Variants in LRRTM4 observed in about 807,000 individuals in gnomAD.
The protein encoded by LRRTM4 is leucine-rich repeat transmembrane neuronal protein 4.
LRRTM4 carries 25 observed loss-of-function variants against 47.6 expected under a neutral mutation model. That is an observed-to-expected ratio of 0.53 (90% CI 0.38 to 0.73). The LOEUF (loss-of-function observed/expected upper bound fraction) is 0.73. LRRTM4 is among the 30% of genes least tolerant of loss of function. The pLI, the probability that LRRTM4 is intolerant of heterozygous loss-of-function variation, is 0.00. For missense variants in LRRTM4, 638 were observed against 713.4 expected, an observed-to-expected ratio of 0.89 and a Z score of 1.20; for synonymous variants, 311 against 269.5, an observed-to-expected ratio of 1.15 and a Z score of -1.51.
rs1291671886 is a variant in LRRTM4, at chr2:77,055,096, G to A, written c.1552-306180C>T. ...AACAGTGCCAGCAGAAGAGGATACT[G>A]ACTCCGCTACTTAGAGTTACCACAA... On this transcript the variant is annotated intron_variant, in intron 3 of 3. Coordinates refer to ENST00000409884, the MANE Select transcript of LRRTM4 (RefSeq NM_001134745.3). 6.6e-5 allele frequency among the ~76,000 whole-genome samples: 10 copies of A among 152,220 alleles called. No individual in the cohort carries two copies. In the East Asian group the frequency reaches 1.9e-3, roughly 29 times the overall value.
chr2:76,869,278 C>A (rs1672556134), intron 3 of LRRTM4, among the ~76,000 whole-genome samples: 1 of 151,802 alleles, frequency 6.6e-6, no homozygotes, highest in Admixed American at 6.6e-5. Flanking sequence ...CACTGCACTC[C>A]AGCCTGGCGA....
intron 3 of LRRTM4, among the ~76,000 whole-genome samples, chr2:76,833,597 AATAAT>A (rs1478198069): frequency 8.6e-5 from 13 of 151,020 alleles, no homozygotes; most frequent in African/African-American, 3.2e-4. Flanking sequence ...ATTACCAGTA[AATAAT>A]ATAATAATAT....
intron 3 of LRRTM4, among the ~76,000 whole-genome samples, chr2:77,236,436 A>C (rs1363757425): frequency 1.3e-5 from 2 of 151,930 alleles, no homozygotes; most frequent in African/African-American, 2.4e-5. Context: ...AGGGTTTTCT[A>C]GGTACAGAAT....
chr2:76,948,439 C>T (rs1039662510), intron 3 of LRRTM4, among the ~76,000 whole-genome samples: 1 of 151,700 alleles, frequency 6.6e-6, no homozygotes, highest in Non-Finnish European at 1.5e-5. Context: ...ATGTAATAGT[C>T]TTACACTATT....
intron 3 of LRRTM4, among the ~76,000 whole-genome samples, chr2:77,213,439 C>T (rs971355278): frequency 6.6e-6 from 1 of 151,972 alleles, no homozygotes; most frequent in Non-Finnish European, 1.5e-5. Flanking sequence ...TAATAATAAC[C>T]CCTCATAGAA....
chr2:77,427,639 T>C lies in LRRTM4; in HGVS notation c.1551+90679A>G, dbSNP rs528357807. On this transcript the variant is annotated intron_variant, in intron 3 of 3. Coordinates refer to ENST00000409884, the MANE Select transcript of LRRTM4 (RefSeq NM_001134745.3). ...CAGTTATATAGTTGAGTTGTTGATT[T>C]AACATGTATTTTCACCTTAAAATAT... 2.4e-4 allele frequency among the ~76,000 whole-genome samples: 37 copies of C among 152,332 alleles called. No individual in the cohort carries two copies. The South Asian group carries it at 7.7e-3, about 32-fold the overall frequency.
At chr2:76,958,511 T>C (rs1217279688) in intron 3 of LRRTM4, among the ~76,000 whole-genome samples, 4 of 151,782 alleles carry the variant, frequency 2.6e-5, no homozygotes, top group Admixed American at 2.0e-4. Context: ...GGTTTCATAG[T>C]TGTTAAAATA....
At chr2:77,141,128 A>G (rs546562820) in intron 3 of LRRTM4, among the ~76,000 whole-genome samples, 1 of 152,316 alleles carries the variant, frequency 6.6e-6, no homozygotes. Flanking sequence ...CTGGGTATAT[A>G]CCCAAAGGAT....
intron 3 of LRRTM4, among the ~76,000 whole-genome samples, chr2:76,830,717 A>G (rs1183428883): frequency 6.6e-6 from 1 of 152,050 alleles, no homozygotes; most frequent in Non-Finnish European, 1.5e-5. Context: ...CAATAATGTT[A>G]TAAATTAACA....
chr2:76,824,942 A>G (rs763598970), intron 3 of LRRTM4, among the ~76,000 whole-genome samples: 2 of 151,646 alleles, frequency 1.3e-5, no homozygotes, highest in Non-Finnish European at 3.0e-5. Flanking sequence ...TGACACTTCA[A>G]ATGTACCAAA....
At position 77,012,165 on chromosome 2, in the gene LRRTM4, G is replaced by C. The variant is rs187733973; in HGVS notation, c.1552-263249C>G. Among the ~76,000 whole-genome samples the C allele has an allele frequency of 7.0e-4, 106 of 152,178 alleles. 2 individuals are homozygous for C. Among genetic ancestry groups the C allele is most frequent in the Non-Finnish European group, 1.8e-4 (12 of 68,012 alleles). ...AATGTAGTTTAATTTTAATTAAATT[G>C]AGAGAATATAAATGCACCATAGGCA... On this transcript the variant is annotated intron_variant, in intron 3 of 3. Transcript: ENST00000409884.
chr2:76,853,060 T>A (rs1225405970), intron 3 of LRRTM4, among the ~76,000 whole-genome samples: 1 of 152,176 alleles, frequency 6.6e-6, no homozygotes, highest in Non-Finnish European at 1.5e-5. Flanking sequence ...TATAACTTGG[T>A]ACCTGTCAAA....
intron 3 of LRRTM4, among the ~76,000 whole-genome samples, chr2:76,892,618 G>A (rs759248228): frequency 5.3e-5 from 8 of 151,576 alleles, no homozygotes; most frequent in Non-Finnish European, 1.0e-4. Context: ...AGGAACCATA[G>A]AATGAATGTT....
intron 3 of LRRTM4, chr2:77,516,667 T>A: frequency 1.0e-6 from 1 of 979,598 alleles, no homozygotes; most frequent in Non-Finnish European, 1.2e-6. Flanking sequence ...GTTAGACTTT[T>A]ATAGAAAATC....
At chr2:77,515,359 G>C (rs1395181209) in intron 3 of LRRTM4, among the ~76,000 whole-genome samples, 1 of 151,728 alleles carries the variant, frequency 6.6e-6, no homozygotes, top group Non-Finnish European at 1.5e-5. Flanking sequence ...TTGTGTGGAG[G>C]CTCACAAACG....
chr2:76,788,730 T>C (rs554079260), intron 3 of LRRTM4, among the ~76,000 whole-genome samples: 11 of 152,282 alleles, frequency 7.2e-5, no homozygotes, highest in Admixed American at 3.9e-4. Context: ...ATTCTATCAA[T>C]GTGATTTCAG....
chr2:76,979,213 T>C (rs929755696), intron 3 of LRRTM4, among the ~76,000 whole-genome samples: 2 of 151,988 alleles, frequency 1.3e-5, no homozygotes, highest in Admixed American at 6.6e-5. Flanking sequence ...GCTTCAAGGG[T>C]AATTTCAGGT....
chr2:76,845,739 G>A (rs1292361142), intron 3 of LRRTM4, among the ~76,000 whole-genome samples: 2 of 152,144 alleles, frequency 1.3e-5, no homozygotes, highest in South Asian at 2.1e-4. Flanking sequence ...TGTGTCTCCA[G>A]TGTGACAGTG....
chr2:76,925,230 T>C lies in LRRTM4; in HGVS notation c.1552-176314A>G, dbSNP rs13403403. On this transcript the variant is annotated intron_variant, in intron 3 of 3. Coordinates refer to ENST00000409884, the MANE Select transcript of LRRTM4 (RefSeq NM_001134745.3). ...GATGGAAGAATAAGTTAGAGATGCT[T>C]TCCTACTCTTCATGAAGAAGCAAAT... Among the ~76,000 whole-genome samples, 693 of 152,268 alleles carry C rather than the reference T, an allele frequency of 4.6e-3. 1 individual carries two copies. The highest frequency in any genetic ancestry group is 0.016 in the African/African-American group (670 of 41,568).
Sources: gnomAD v4.1 joint callset for allele counts (sites outside exome capture counted in the v4.1 genomes callset) on GRCh38, gnomAD v4.1.1 for gene constraint, MANE v1.5 for transcripts, NCBI Gene and HGNC (gene_info 2026-07-23, HGNC 2026-07-21) for gene names.